The following LRP2BP variants were observed in gnomAD, a reference collection of about 807,000 sequenced individuals.
The protein encoded by LRP2BP is LRP2 binding protein, also known as LRP2-binding protein.
A neutral mutation model predicts 45.2 loss-of-function variants in LRP2BP; 38 were observed. The ratio of observed to expected loss-of-function variants is 0.84; its 90% confidence interval spans 0.65 to 1.10. LRP2BP has a LOEUF of 1.10. LRP2BP is among the 50% of genes least tolerant of loss of function. LRP2BP has a pLI of 0.00. For synonymous variants in LRP2BP, 153 were observed against 153.9 expected (o/e 0.99, Z 0.04); for missense variants, 385 against 418.9 (o/e 0.92, Z 0.71).
intron 1 of LRP2BP, among the ~76,000 whole-genome samples, chr4:185,383,014 G>T (rs2095459946): frequency 6.6e-6 from 1 of 152,168 alleles, no homozygotes; most frequent in South Asian, 2.1e-4. Context: ...GTCCAAATCA[G>T]TTCTTTTGCA....
chr4:185,373,926 C>T (rs888672924), intron 6 of LRP2BP, among the ~76,000 whole-genome samples: 39 of 152,128 alleles, frequency 2.6e-4, no homozygotes, highest in Admixed American at 8.5e-4. Context: ...ACAAAATACT[C>T]TCACATTCAT....
intron 1 of LRP2BP, among the ~76,000 whole-genome samples, chr4:185,380,427 A>C (rs189692130): frequency 7.2e-5 from 11 of 152,226 alleles, no homozygotes; most frequent in South Asian, 4.1e-4. Context: ...AAATCATCCT[A>C]AGCATTCCCC....
At chr4:185,394,124 G>A (rs1160128838) in intron 1 of LRP2BP, among the ~76,000 whole-genome samples, 1 of 152,104 alleles carries the variant, frequency 6.6e-6, no homozygotes, top group East Asian at 1.9e-4. Context: ...TGGGTGTGGT[G>A]GCGTATAGCT....
At chr4:185,368,583 G>A (rs2095401012) in intron 8 of LRP2BP, among the ~76,000 whole-genome samples, 3 of 152,058 alleles carry the variant, frequency 2.0e-5, no homozygotes, top group Non-Finnish European at 4.4e-5. Flanking sequence ...CATATCATGC[G>A]TCATATGATA....
Position 185,394,933 on chromosome 4 carries a change from C to A in LRP2BP, c.-176G>T, listed in dbSNP as rs2095497864. 1.0e-6 allele frequency: 1 copy of A among 985,334 alleles called. No individual in the cohort carries two copies. 61.0% of individuals were successfully genotyped at this position (985,334 alleles called of 1,614,324 possible). On this transcript the variant is annotated 5_prime_UTR_variant, in exon 1 of 9. Transcript: ENST00000505916. Reference sequence around the variant, plus strand: ...TCATCTTCCGTTTTAGAAAATTGATCCCACCTGCTACACGCCTGGTGAAAC... The same window carrying A: ...TCATCTTCCGTTTTAGAAAATTGATACCACCTGCTACACGCCTGGTGAAAC...
At chr4:185,379,687 A>G (rs1222511157) in intron 1 of LRP2BP, among the ~76,000 whole-genome samples, 1 of 152,032 alleles carries the variant, frequency 6.6e-6, no homozygotes, top group Non-Finnish European at 1.5e-5. Flanking sequence ...AAGGTTCATT[A>G]TGAGGCTCGT....
At chr4:185,385,083 A>G (rs370144445) in intron 1 of LRP2BP, among the ~76,000 whole-genome samples, 3 of 152,186 alleles carry the variant, frequency 2.0e-5, no homozygotes, top group African/African-American at 7.2e-5. Context: ...CACGGGATGA[A>G]AGAGTCCAGT....
At chr4:185,396,842 C>T (rs368102461), upstream of LRP2BP, 3 of 1,456,870 alleles carry the variant, frequency 2.1e-6, no homozygotes, top group African/African-American at 2.8e-5. Flanking sequence ...GGCCAGCCTG[C>T]GCATTCTTAC....
At chr4:185,397,115 G>A (rs772747190), upstream of LRP2BP, 2 of 1,611,858 alleles carry the variant, frequency 1.2e-6, no homozygotes, top group East Asian at 2.2e-5. Context: ...CTGGACAAAG[G>A]TGGGAAGGGT....
At position 185,374,477 on chromosome 4, in the gene LRP2BP, GA is replaced by G. The variant is rs752070486; in HGVS notation, c.331-17del. On this transcript the variant is annotated splice_polypyrimidine_tract_variant and intron_variant, in intron 4 of 8. Coordinates refer to ENST00000505916, the MANE Select transcript of LRP2BP (RefSeq NM_001377440.1). ...CCCCTTTCTCCTTCGACAAAAGAAA[GA>G]GCAAAAAAACCCTAGTTTTTAGTTT... 1 of 1,601,112 alleles carries G rather than the reference GA, an allele frequency of 6.2e-7. No homozygotes were observed. The highest frequency in any genetic ancestry group is 1.1e-5 in the South Asian group (1 of 88,358).
rs968354645 is a variant in LRP2BP, at chr4:185,367,044, C to T, written c.*136G>A. 15 of 778,008 alleles carry T rather than the reference C, an allele frequency of 1.9e-5. No individual in the cohort carries two copies. The highest frequency in any genetic ancestry group is 2.9e-5 in the Non-Finnish European group (14 of 479,638). 48.2% of individuals were successfully genotyped at this position (778,008 alleles called of 1,614,324 possible). On this transcript the variant is annotated 3_prime_UTR_variant, in exon 9 of 9. Transcript: ENST00000505916. ...ACTTAACAGCGTACGAATTCAAGAA[C>T]GAAGTAACATGTCACCTGTAAAATA...
upstream of LRP2BP, chr4:185,396,064 G>A (rs112118637): frequency 1.4e-3 from 303 of 213,014 alleles, no homozygotes; most frequent in African/African-American, 6.8e-3. Context: ...ACGCGGCCGG[G>A]TCCGCTCTCC....
chr4:185,384,582 A>G (rs1420999926), intron 1 of LRP2BP, among the ~76,000 whole-genome samples: 1 of 151,174 alleles, frequency 6.6e-6, no homozygotes, highest in Non-Finnish European at 1.5e-5. Context: ...CTGTATTTAA[A>G]GTTCTTTTAA....
intron 6 of LRP2BP, 56 bp downstream of exon 6, chr4:185,374,079 G>T: frequency 7.1e-7 from 1 of 1,418,408 alleles, no homozygotes; most frequent in Non-Finnish European, 9.9e-7. Context: ...AAAAAAAGCA[G>T]TGAAACAAAT....
Position 185,374,124 on chromosome 4 carries a change from G to C in LRP2BP, c.579+11C>G. 1 of 1,602,976 alleles carries C rather than the reference G, an allele frequency of 6.2e-7. No individual in the cohort carries two copies. Among genetic ancestry groups the C allele is most frequent in the African/African-American group, 1.3e-5 (1 of 74,718 alleles). ...AATATAACACTAGCATTAAAAAAGA[G>C]GGAACGTTACCTTTTCTAACTCCTT... On this transcript the variant is annotated intron_variant, in intron 6 of 8. Transcript: ENST00000505916.
chr4:185,374,684 G>A (rs1037457244), intron 4 of LRP2BP, among the ~76,000 whole-genome samples: 2 of 152,136 alleles, frequency 1.3e-5, no homozygotes, highest in Admixed American at 1.3e-4. Context: ...CAGGAGCTCT[G>A]GGATATAAGA....
chr4:185,375,800 A>C (rs2095435447), intron 3 of LRP2BP, 74 bp from the exon 4 acceptor site: 1 of 888,508 alleles, frequency 1.1e-6, no homozygotes, highest in South Asian at 1.7e-5. Context: ...CAAGTGGTCA[A>C]GTGTTTGTGC....
upstream of LRP2BP, chr4:185,397,103 G>A: frequency 6.2e-7 from 1 of 1,610,946 alleles, no homozygotes; most frequent in Non-Finnish European, 8.5e-7. Flanking sequence ...AGGGGCGCGG[G>A]ACTGGACAAA....
chr4:185,390,248 C>A (rs1217762198), intron 1 of LRP2BP, among the ~76,000 whole-genome samples: 1 of 152,152 alleles, frequency 6.6e-6, no homozygotes, highest in South Asian at 2.1e-4. Context: ...GGGTGGCTCA[C>A]GCCTGTAATC....
Sources: gnomAD v4.1 joint callset for allele counts (sites outside exome capture counted in the v4.1 genomes callset) on GRCh38, gnomAD v4.1.1 for gene constraint, MANE v1.5 for transcripts, NCBI Gene and HGNC (gene_info 2026-07-23, HGNC 2026-07-21) for gene names.